APBB1IP: variants seen among roughly 807,000 people sequenced by gnomAD.
The protein encoded by APBB1IP is amyloid beta A4 precursor protein-binding family B member 1-interacting protein.
In APBB1IP, 27 loss-of-function variants were observed where a neutral mutation model predicts 64.9. The observed-to-expected ratio is 0.42, with a 90% CI of 0.31 to 0.57. The LOEUF is 0.57. Ranked by LOEUF, APBB1IP falls within the 20% of genes least tolerant of loss-of-function variation. The pLI is 0.20. For synonymous variants in APBB1IP, 392 were observed against 331.0 expected (o/e 1.18, Z -2.00); for missense variants, 812 against 845.5 (o/e 0.96, Z 0.49).
At chr10:26,560,689 A>G (rs368146013) in intron 12 of APBB1IP, 41 bp from the exon 13 acceptor site, 255 of 1,435,976 alleles carry the variant, frequency 1.8e-4, no homozygotes, top group Non-Finnish European at 2.3e-4. Context: ...AATTTGGGAT[A>G]CATGGATTCC....
chr10:26,546,606 C>T (rs1329391284), intron 11 of APBB1IP, among the ~76,000 whole-genome samples: 1 of 152,172 alleles, frequency 6.6e-6, no homozygotes, highest in Non-Finnish European at 1.5e-5. Context: ...AGTCACCCTA[C>T]CTTGCAGTAG....
intron 9 of APBB1IP, among the ~76,000 whole-genome samples, chr10:26,535,195 TAGA>T (rs1479889475): frequency 6.6e-6 from 1 of 152,280 alleles, no homozygotes; most frequent in East Asian, 1.9e-4. Flanking sequence ...AATCTACAAC[TAGA>T]AGATGTGCTT....
chr10:26,495,856 T>G (rs867356479), intron 3 of APBB1IP, among the ~76,000 whole-genome samples: 1 of 146,836 alleles, frequency 6.8e-6, no homozygotes, highest in African/African-American at 2.5e-5. Flanking sequence ...ATTTCTTTAT[T>G]TGATGTAATG....
chr10:26,566,813 G>A lies in APBB1IP; in HGVS notation c.1474-148G>A, dbSNP rs1837050402. On this transcript the variant is annotated intron_variant, in intron 14 of 14. Coordinates refer to ENST00000376236, the MANE Select transcript of APBB1IP (RefSeq NM_019043.4). The stretch of plus-strand genomic sequence containing the variant: ...CGAGGCAGGAGGATTGCTTGAGCTC[G>A]GGAGGTCGAGGCTGCAGTAAGTCCA... 9 of 837,236 alleles carry A rather than the reference G, an allele frequency of 1.1e-5. No individual in the cohort carries two copies. The South Asian group carries it at 1.4e-4, about 13-fold the overall frequency. 51.9% of individuals were successfully genotyped at this position (837,236 alleles called of 1,614,324 possible). A position where few individuals can be genotyped will look rare whatever the true frequency, so the allele number is the denominator to read the frequency against.
intron 2 of APBB1IP, among the ~76,000 whole-genome samples, chr10:26,476,446 C>CA (rs58548133): frequency 0.026 from 1,996 of 78,186 alleles, 145 homozygotes; most frequent in African/African-American, 0.086. Flanking sequence ...GACCCTGTCT[C>CA]AAAAAAAAAA....
chr10:26,564,804 AAAAAAT>A (rs200555047), intron 14 of APBB1IP, among the ~76,000 whole-genome samples: 12 of 152,004 alleles, frequency 7.9e-5, no homozygotes, highest in Non-Finnish European at 1.6e-4. Context: ...CTCTGCCTCA[AAAAAAT>A]AAAAATAAAA....
rs775079631 is a variant in APBB1IP, at chr10:26,567,516, G to T, written c.*28G>T. ...ACGGGCATGATGAGTGTTCCAGAGG[G>T]AGAAGCATCGCTGACCCCGAGCGCA... On this transcript the variant is annotated 3_prime_UTR_variant, in exon 15 of 15. Transcript: ENST00000376236. The T allele has an allele frequency of 1.3e-6, 2 of 1,533,838 alleles. No homozygotes were observed. Among genetic ancestry groups the T allele is most frequent in the East Asian group, 2.6e-5 (1 of 39,066 alleles).
intron 8 of APBB1IP, among the ~76,000 whole-genome samples, chr10:26,516,543 CAAAAAAA>C (rs71401901): frequency 2.1e-5 from 1 of 47,210 alleles, no homozygotes; most frequent in Non-Finnish European, 3.2e-5. Context: ...GACTCCATCT[CAAAAAAA>C]AAAAAAAAAA....
chr10:26,555,136 A>G (rs1007298720), intron 11 of APBB1IP, among the ~76,000 whole-genome samples: 11 of 152,122 alleles, frequency 7.2e-5, no homozygotes, highest in African/African-American at 2.4e-4. Flanking sequence ...AAGTTCTTCT[A>G]TTTCCCATCA....
intron 8 of APBB1IP, among the ~76,000 whole-genome samples, chr10:26,526,650 C>T (rs1401867185): frequency 2.6e-5 from 4 of 151,784 alleles, no homozygotes; most frequent in Non-Finnish European, 4.4e-5. Flanking sequence ...ACCCGGGAGG[C>T]GGAAGTTGCG....
At chr10:26,492,177 C>G (rs1835963386) in intron 2 of APBB1IP, 150 bp from the exon 3 acceptor site, 2 of 582,270 alleles carry the variant, frequency 3.4e-6, no homozygotes, top group Admixed American at 3.5e-5. Flanking sequence ...CATGAAATTT[C>G]AGGCTAACAT....
At chr10:26,561,064 CTTTTTTT>C (rs764573338) in intron 13 of APBB1IP, among the ~76,000 whole-genome samples, 4 of 69,218 alleles carry the variant, frequency 5.8e-5, no homozygotes, top group South Asian at 6.0e-4. Flanking sequence ...TTCTTTCTTT[CTTTTTTT>C]TTTTTTTTTT....
intron 3 of APBB1IP, 69 bp from the exon 4 acceptor site, chr10:26,496,235 G>T: frequency 8.4e-7 from 1 of 1,186,976 alleles, no homozygotes; most frequent in Admixed American, 1.8e-5. Context: ...TTTTTGACTT[G>T]CTGAGTAAAG....
At chr10:26,452,008 A>G (rs1180264583) in intron 2 of APBB1IP, among the ~76,000 whole-genome samples, 1 of 152,244 alleles carries the variant, frequency 6.6e-6, no homozygotes, top group Non-Finnish European at 1.5e-5. Context: ...CAAATAAATA[A>G]AAGCCCTTTG....
intron 2 of APBB1IP, among the ~76,000 whole-genome samples, chr10:26,452,995 T>C (rs1333672777): frequency 6.6e-6 from 1 of 152,254 alleles, no homozygotes; most frequent in Non-Finnish European, 1.5e-5. Flanking sequence ...ATTATTCTTA[T>C]TATGCATTAA....
chr10:26,487,164 C>A (rs1213585871), intron 2 of APBB1IP, among the ~76,000 whole-genome samples: 3 of 151,546 alleles, frequency 2.0e-5, no homozygotes, highest in Non-Finnish European at 4.4e-5. Context: ...TGGCTGCTAA[C>A]CCAAATAAGA....
At chr10:26,446,197 G>A (rs1835396499) in intron 2 of APBB1IP, among the ~76,000 whole-genome samples, 1 of 152,216 alleles carries the variant, frequency 6.6e-6, no homozygotes, top group South Asian at 2.1e-4. Flanking sequence ...TATGGCCACT[G>A]TTTTTATAGC....
chr10:26,441,318 C>T (rs1306868692), intron 2 of APBB1IP, among the ~76,000 whole-genome samples: 1 of 152,134 alleles, frequency 6.6e-6, no homozygotes, highest in Non-Finnish European at 1.5e-5. Context: ...AGAAACATGA[C>T]TTTTAGAGAA....
At chr10:26,506,400 C>T (rs1212772054) in intron 6 of APBB1IP, among the ~76,000 whole-genome samples, 1 of 152,082 alleles carries the variant, frequency 6.6e-6, no homozygotes, top group Non-Finnish European at 1.5e-5. Context: ...GTATGCACCA[C>T]CATGGCCCAC....
Sources: gnomAD v4.1 joint callset for allele counts (sites outside exome capture counted in the v4.1 genomes callset) on GRCh38, gnomAD v4.1.1 for gene constraint, MANE v1.5 for transcripts, NCBI Gene and HGNC (gene_info 2026-07-23, HGNC 2026-07-21) for gene names.